ZNF568: variants seen among roughly 807,000 people sequenced by gnomAD.
ZNF568 encodes zinc finger protein 568, also known as p53 inhibitor of SCO2 activation.
Under a neutral mutation model 18.1 loss-of-function variants are expected in ZNF568, and 11 were observed. The ratio of observed to expected loss-of-function variants is 0.61; its 90% confidence interval spans 0.38 to 1.00. The LOEUF (loss-of-function observed/expected upper bound fraction) is 1.00, where lower values mean the gene tolerates loss of function less well. ZNF568 is among the 50% of genes least tolerant of loss of function. ZNF568 has a pLI of 0.01. For synonymous variants in ZNF568, 213 were observed against 246.6 expected, an observed-to-expected ratio of 0.86 and a Z score of 1.28; for missense variants, 639 against 768.2, an observed-to-expected ratio of 0.83 and a Z score of 1.99.
chr19:36,976,883 C>A (rs1600847611), intron 7 of ZNF568, among the ~76,000 whole-genome samples: 1 of 136,870 alleles, frequency 7.3e-6, no homozygotes, highest in East Asian at 2.0e-4. Flanking sequence ...GCACTCCAGC[C>A]TGGGCAACAA....
downstream of ZNF568, among the ~76,000 whole-genome samples, chr19:36,954,320 G>A (rs1250704841): frequency 2.0e-5 from 3 of 152,154 alleles, 1 homozygote; most frequent in Non-Finnish European, 4.4e-5. Context: ...ACATTTGTTT[G>A]AAGTTGATTT....
intron 4 of ZNF568, among the ~76,000 whole-genome samples, chr19:36,932,399 C>T (rs2073702858): frequency 6.6e-6 from 1 of 152,130 alleles, no homozygotes; most frequent in African/African-American, 2.4e-5. Context: ...ACCCACCTGA[C>T]CAACATGGTG....
intron 1 of ZNF568, among the ~76,000 whole-genome samples, chr19:36,917,224 T>C (rs574664764): frequency 6.6e-6 from 1 of 152,182 alleles, no homozygotes; most frequent in East Asian, 1.9e-4. Flanking sequence ...ATGTGTTCTT[T>C]CAGGGTCTCA....
At chr19:36,982,910 T>C (rs112317191), downstream of ZNF568, among the ~76,000 whole-genome samples, 259 of 152,346 alleles carry the variant, frequency 1.7e-3, no homozygotes, top group African/African-American at 5.4e-3. Context: ...CTGTGGCATG[T>C]GTAAGACTGG....
downstream of ZNF568, among the ~76,000 whole-genome samples, chr19:36,956,306 C>A (rs2074106664): frequency 6.6e-6 from 1 of 152,194 alleles, no homozygotes; most frequent in South Asian, 2.1e-4. Context: ...CTGCCTTATG[C>A]AAGGTTACAC....
At chr19:36,997,382 A>T (rs767522123), downstream of ZNF568, 20 of 1,591,240 alleles carry the variant, frequency 1.3e-5, 1 homozygote, top group South Asian at 2.2e-4. Flanking sequence ...AAACCCTATG[A>T]GTGTAAGGAA....
downstream of ZNF568, among the ~76,000 whole-genome samples, chr19:36,984,386 A>T (rs1473755045): frequency 6.6e-6 from 1 of 152,136 alleles, no homozygotes; most frequent in African/African-American, 2.4e-5. Context: ...TACCTTGAAA[A>T]TTTCAATATA....
intron 7 of ZNF568, among the ~76,000 whole-genome samples, chr19:36,975,024 G>C (rs2074269861): frequency 6.8e-6 from 1 of 147,954 alleles, no homozygotes; most frequent in South Asian, 2.2e-4. Context: ...ACGGGGTTTT[G>C]CCATCTTGCC....
downstream of ZNF568, among the ~76,000 whole-genome samples, chr19:36,954,735 A>ATTT (rs5827970): frequency 7.0e-6 from 1 of 143,056 alleles, no homozygotes; most frequent in Non-Finnish European, 1.5e-5. Flanking sequence ...TGCCTGGCTA[A>ATTT]TTTTTTTTTT....
At position 36,952,192 on chromosome 19, in the gene ZNF568, C is replaced by CAAGT; in HGVS notation, c.*1105_*1106insAGTA. The CAAGT allele has an allele frequency of 1.0e-5, 4 of 382,194 alleles. No individual in the cohort carries two copies. The highest frequency in any genetic ancestry group is 1.1e-5 in the Non-Finnish European group (3 of 279,804). The allele number at this position is 382,194 out of a possible 1,614,324, so 23.7% of individuals were successfully genotyped here. A position where few individuals can be genotyped will look rare whatever the true frequency, so the allele number is the denominator to read the frequency against. ...ATGCAGTGGCACATGCCTGTAATCC[C>CAAGT]AGCTACTTGGGAGGCTGATAGAAGA... On this transcript the variant is annotated 3_prime_UTR_variant, in exon 7 of 7. Coordinates refer to ENST00000333987, the MANE Select transcript of ZNF568 (RefSeq NM_198539.4).
intron 6 of ZNF568, among the ~76,000 whole-genome samples, chr19:36,945,047 A>G (rs534630455): frequency 1.3e-5 from 2 of 151,528 alleles, no homozygotes; most frequent in South Asian, 2.1e-4. Flanking sequence ...TTATTTTTTC[A>G]TATGTAAAAT....
intron 6 of ZNF568, among the ~76,000 whole-genome samples, chr19:36,939,686 C>T (rs554197993): frequency 6.6e-6 from 1 of 151,836 alleles, no homozygotes; most frequent in Admixed American, 6.6e-5. Flanking sequence ...ACTACAGGCA[C>T]GCGTGACCAT....
At chr19:36,991,780 T>A (rs754551350) in exon 4 of ZNF568, 36 of 1,580,356 alleles carry the variant, frequency 2.3e-5, no homozygotes, top group Admixed American at 2.0e-4. Flanking sequence ...AAATGTGATC[T>A]CCTTATTGGA....
intron 6 of ZNF568, among the ~76,000 whole-genome samples, chr19:36,969,670 C>G (rs994119802): frequency 6.6e-6 from 1 of 152,020 alleles, no homozygotes; most frequent in Non-Finnish European, 1.5e-5. Flanking sequence ...CAAAGCACAT[C>G]CCCGCTTTCG....
chr19:36,950,982 G>C lies in ZNF568; in HGVS notation c.1829G>C (p.Gly610Ala). Residue 610 changes from glycine to alanine, a missense_variant, in exon 7 of 7, where the codon GGT becomes GCT. Transcript: ENST00000333987. ...LLIIHMRSHT[G>A]EKPFECNECG... ...ATTATACATATGAGAAGTCATACTG[G>C]TGAGAAACCCTTTGAATGTAATGAA... 6.2e-7 allele frequency: 1 copy of C among 1,613,666 alleles called. No homozygotes were observed.
rs534267683 is a variant in ZNF568 at position 36,970,407 on chromosome 19, C to G, written c.359-4013C>G. 4.0e-5 allele frequency among the ~76,000 whole-genome samples: 6 copies of G among 150,094 alleles called. No homozygotes were observed. In the South Asian group the frequency reaches 1.1e-3, roughly 27 times the overall value. ...GTCGCCCAGGCTGGAGTGCAGTGCC[C>G]CAATCTTGGCTCACTGCAACCTCTG... On this transcript the variant is annotated intron_variant, in intron 6 of 7. Coordinates refer to the ZNF568 transcript ENST00000427117.
intron 2 of ZNF568, chr19:36,991,109 T>C: frequency 6.8e-7 from 1 of 1,469,594 alleles, no homozygotes; most frequent in Admixed American, 2.3e-5. Context: ...TTCTCCATTT[T>C]CTTTTATGTT....
At chr19:36,973,155 G>C (rs1288745298) in intron 6 of ZNF568, 1 of 152,476 alleles carries the variant, frequency 6.6e-6, no homozygotes, top group African/African-American at 2.4e-5. Context: ...CATTTCCCAG[G>C]GGGCCCCGCG....
intron 2 of ZNF568, among the ~76,000 whole-genome samples, chr19:36,919,862 T>C (rs2073421602): frequency 6.6e-6 from 1 of 152,228 alleles, no homozygotes; most frequent in Admixed American, 6.5e-5. Flanking sequence ...GCCAGTCATA[T>C]AAAAGTATAA....
Sources: allele counts gnomAD v4.1 joint callset (sites outside exome capture counted in the v4.1 genomes callset), GRCh38; gene constraint gnomAD v4.1.1; transcripts MANE v1.5; gene names NCBI Gene and HGNC (gene_info 2026-07-23, HGNC 2026-07-21).